POLA1: variants seen among roughly 807,000 people sequenced by gnomAD.
The protein encoded by POLA1 is DNA polymerase alpha catalytic subunit.
A neutral mutation model predicts 124.0 loss-of-function variants in POLA1; 15 were observed. The ratio of observed to expected loss-of-function variants is 0.12; its 90% confidence interval spans 0.08 to 0.19. The LOEUF is 0.19. Ranked by LOEUF, POLA1 falls within the 10% of genes least tolerant of loss-of-function variation. POLA1 has a pLI of 1.00. For synonymous variants in POLA1, 408 were observed against 389.4 expected, an observed-to-expected ratio of 1.05 and a Z score of -0.56; for missense variants, 886 against 1,103.4, an observed-to-expected ratio of 0.80 and a Z score of 2.79.
intron 26 of POLA1, among the ~76,000 whole-genome samples, chrX:24,791,841 A>G (rs2045503721): frequency 8.9e-6 from 1 of 112,287 alleles, no homozygotes; most frequent in Admixed American, 9.4e-5. Context: ...CTTATCCATG[A>G]AAAAATGTCC....
chrX:24,885,772 C>T (rs1286682151), intron 34 of POLA1, among the ~76,000 whole-genome samples: 1 of 111,966 alleles, frequency 8.9e-6, no homozygotes, highest in Non-Finnish European at 1.9e-5. Context: ...GATCTGCCCG[C>T]CTCGGCCTCC....
chrX:24,894,311 G>C (rs2047177817), intron 35 of POLA1, among the ~76,000 whole-genome samples: 1 of 112,022 alleles, frequency 8.9e-6, no homozygotes, highest in Non-Finnish European at 1.9e-5. Context: ...TTCGTTTTGA[G>C]CATTCTCTAA....
chrX:24,895,239 C>A (rs1284805881), intron 35 of POLA1, among the ~76,000 whole-genome samples: 1 of 112,364 alleles, frequency 8.9e-6, no homozygotes, highest in Non-Finnish European at 1.9e-5. Context: ...ACATTTAATT[C>A]TCTAAGAAAC....
At chrX:24,860,023 C>T (rs2046696562) in intron 34 of POLA1, among the ~76,000 whole-genome samples, 1 of 112,291 alleles carries the variant, frequency 8.9e-6, no homozygotes, top group Admixed American at 9.4e-5. Context: ...GTTCTTGAAC[C>T]ACAGGTGTGG....
intron 32 of POLA1, among the ~76,000 whole-genome samples, chrX:24,835,171 C>A (rs1386693947): frequency 1.8e-5 from 2 of 109,724 alleles, no homozygotes. Flanking sequence ...CCTTAGCCTC[C>A]TGAGTAGCTG....
chrX:24,979,638 TCTC>T (rs1315666102), intron 36 of POLA1, among the ~76,000 whole-genome samples: 1 of 112,239 alleles, frequency 8.9e-6, no homozygotes, highest in African/African-American at 3.2e-5. Context: ...CTGTCCACTT[TCTC>T]CTCATCTTGA....
chrX:24,971,537 G>A (rs1413733883), intron 36 of POLA1, among the ~76,000 whole-genome samples: 3 of 112,125 alleles, frequency 2.7e-5, no homozygotes, highest in Non-Finnish European at 5.6e-5. Flanking sequence ...CATGGGCAGG[G>A]CAGGTTTTAA....
intron 13 of POLA1, among the ~76,000 whole-genome samples, chrX:24,726,518 A>G (rs775574273): frequency 9.8e-5 from 11 of 112,553 alleles, no homozygotes; most frequent in Middle Eastern, 9.2e-3. Context: ...TGTTCCCACA[A>G]CGTTGGAAAA....
At chrX:24,833,141 G>A (rs1334527645) in intron 32 of POLA1, among the ~76,000 whole-genome samples, 1 of 110,741 alleles carries the variant, frequency 9.0e-6, no homozygotes, top group African/African-American at 3.3e-5. Context: ...TCCCACTTAT[G>A]AGTGAGAGCA....
At chrX:24,744,997 TGGGGTGG>T (rs1449944537) in intron 23 of POLA1, among the ~76,000 whole-genome samples, 1 of 66,500 alleles carries the variant, frequency 1.5e-5, no homozygotes, top group Non-Finnish European at 2.6e-5. Flanking sequence ...TGGTTTTATT[TGGGGTGG>T]GGGGTGGGAG....
intron 10 of POLA1, among the ~76,000 whole-genome samples, chrX:24,722,647 T>C (rs1334057108): frequency 8.9e-6 from 1 of 112,825 alleles, no homozygotes; most frequent in Non-Finnish European, 1.9e-5. Flanking sequence ...ATTAGAATTA[T>C]ATTCTCAGAT....
At chrX:24,987,052 G>A in intron 36 of POLA1, among the ~76,000 whole-genome samples, 1 of 111,970 alleles carries the variant, frequency 8.9e-6, no homozygotes, top group Middle Eastern at 4.6e-3. Context: ...TGTCACTACT[G>A]AGATTAGGGT....
intron 26 of POLA1, among the ~76,000 whole-genome samples, chrX:24,750,529 C>CT (rs768970169): frequency 8.9e-6 from 1 of 112,670 alleles, no homozygotes. Flanking sequence ...TTCAGAATCA[C>CT]TCTTCTGTTG....
chrX:24,839,113 A>G (rs1377204698), intron 32 of POLA1, among the ~76,000 whole-genome samples: 1 of 112,343 alleles, frequency 8.9e-6, no homozygotes, highest in Admixed American at 9.4e-5. Context: ...TGTTGAACTT[A>G]TAACTGCTCT....
At chrX:24,710,013 C>T (rs1332208320) in intron 4 of POLA1, among the ~76,000 whole-genome samples, 31 of 100,307 alleles carry the variant, frequency 3.1e-4, no homozygotes, top group Non-Finnish European at 5.7e-4. Context: ...GCTGCAATCT[C>T]GGCACTTTGG....
chrX:24,821,832 C>T (rs895724729), intron 31 of POLA1, among the ~76,000 whole-genome samples: 4 of 112,101 alleles, frequency 3.6e-5, no homozygotes, highest in Admixed American at 9.5e-5. Flanking sequence ...ATGTAAGTTT[C>T]GCCATATGTT....
At chrX:24,723,132 G>A (rs370110307) in intron 10 of POLA1, 23 bp from the exon 11 acceptor site, 13 of 1,049,528 alleles carry the variant, frequency 1.2e-5, no homozygotes, top group Middle Eastern at 2.5e-4. Context: ...TTCTTTTCTC[G>A]TGATTTTCAC....
Position 24,716,403 on chromosome X carries a change from G to A in POLA1, c.567G>A (p.Lys189=), listed in dbSNP as rs1929843114. The A allele has an allele frequency of 8.4e-7, 1 of 1,190,998 alleles. No homozygotes were observed. The highest frequency in any genetic ancestry group is 2.2e-5 in the Admixed American group (1 of 45,983). ...CACCACCTGTAATGATACTGAAGAA[G>A]AAAAGATCCATTGGAGCTTCACCGA... ...ITPPPVMILK[K]KRSIGASPNP... The change falls in exon 7 of 37, where the codon AAG becomes AAA. Residue 189 remains lysine, a synonymous_variant. Transcript: ENST00000379068.
chrX:24,861,328 C>T (rs1056186506), intron 34 of POLA1, among the ~76,000 whole-genome samples: 11 of 111,949 alleles, frequency 9.8e-5, no homozygotes, highest in Non-Finnish European at 1.9e-4. Flanking sequence ...GATGGGCTTT[C>T]GCCATGTTTC....
Sources: gnomAD v4.1 joint callset for allele counts (sites outside exome capture counted in the v4.1 genomes callset) on GRCh38, gnomAD v4.1.1 for gene constraint, MANE v1.5 for transcripts, NCBI Gene and HGNC (gene_info 2026-07-23, HGNC 2026-07-21) for gene names.